The following KPNA1 variants were observed in gnomAD, a reference collection of about 807,000 sequenced individuals.
KPNA1 encodes the protein karyopherin subunit alpha 1, also known as importin subunit alpha-5.
A neutral mutation model predicts 70.5 loss-of-function variants in KPNA1; 10 were observed. That is an observed-to-expected ratio of 0.14 (90% CI 0.09 to 0.24). The LOEUF is 0.24. KPNA1 is among the 10% of genes least tolerant of loss of function. The probability of loss-of-function intolerance (pLI) is 1.00; values close to 1 mark genes in which losing one functional copy is unlikely to be tolerated. For missense variants in KPNA1, 397 were observed against 637.9 expected, an observed-to-expected ratio of 0.62 and a Z score of 4.07; for synonymous variants, 192 against 221.9, an observed-to-expected ratio of 0.87 and a Z score of 1.20.
At chr3:122,442,203 T>C (rs1012302759) in intron 9 of KPNA1, 87 bp from the exon 10 acceptor site, 10 of 1,022,854 alleles carry the variant, frequency 9.8e-6, no homozygotes, top group Admixed American at 7.8e-5. Context: ...AACAAAAAAA[T>C]TGTGATAGAA....
At chr3:122,474,883 A>T (rs1277329218) in intron 2 of KPNA1, among the ~76,000 whole-genome samples, 1 of 152,198 alleles carries the variant, frequency 6.6e-6, no homozygotes. Flanking sequence ...ATATATGACA[A>T]ACCAACAGTT....
chr3:122,433,574 T>G, intron 12 of KPNA1, 87 bp downstream of exon 12: 2 of 1,102,576 alleles, frequency 1.8e-6, no homozygotes, highest in Non-Finnish European at 2.5e-6. Flanking sequence ...AATCTTTTAC[T>G]CTAGGTAATA....
intron 2 of KPNA1, 119 bp downstream of exon 2, chr3:122,496,318 A>G (rs945270723): frequency 1.3e-6 from 1 of 781,646 alleles, no homozygotes; most frequent in Non-Finnish European, 2.0e-6. Context: ...GAGAAGGGGA[A>G]AACACACACA....
At chr3:122,428,486 ATCTC>A (rs2075853326) in intron 12 of KPNA1, among the ~76,000 whole-genome samples, 1 of 152,140 alleles carries the variant, frequency 6.6e-6, no homozygotes, top group Non-Finnish European at 1.5e-5. Context: ...ATAAAAATAA[ATCTC>A]TAGCCAAACA....
intron 2 of KPNA1, among the ~76,000 whole-genome samples, chr3:122,493,331 C>T (rs1387778587): frequency 6.7e-6 from 1 of 149,270 alleles, no homozygotes; most frequent in Admixed American, 6.8e-5. Flanking sequence ...AGAAATACTA[C>T]CCCACAATGA....
At chr3:122,453,664 G>C (rs1224627895) in intron 6 of KPNA1, among the ~76,000 whole-genome samples, 1 of 152,040 alleles carries the variant, frequency 6.6e-6, no homozygotes, top group Admixed American at 6.5e-5. Flanking sequence ...AGCCTCCCAA[G>C]TAGCTGGGAT....
chr3:122,454,113 C>G (rs1456515085), intron 5 of KPNA1, 112 bp from the exon 6 acceptor site: 7 of 679,642 alleles, frequency 1.0e-5, no homozygotes, highest in Non-Finnish European at 1.4e-5. Flanking sequence ...ATTATTTGCA[C>G]ATAACCTATC....
intron 2 of KPNA1, among the ~76,000 whole-genome samples, chr3:122,495,265 A>AAAAAAAAAAAAAAG (rs1238512607): frequency 4.6e-5 from 7 of 150,730 alleles, no homozygotes; most frequent in African/African-American, 9.7e-5. Context: ...AACAAACCAA[A>AAAAAAAAAAAAAAG]AAAAAAAAAA....
intron 12 of KPNA1, chr3:122,432,612 A>G (rs2075926345): frequency 6.6e-6 from 1 of 152,096 alleles, no homozygotes; most frequent in South Asian, 2.1e-4. Flanking sequence ...TTAATTTTGG[A>G]TTCCCCATAA....
intron 2 of KPNA1, among the ~76,000 whole-genome samples, chr3:122,489,955 C>A (rs1027915235): frequency 6.6e-6 from 1 of 152,214 alleles, no homozygotes; most frequent in African/African-American, 2.4e-5. Context: ...GCAAGGCTCT[C>A]CTGAATACTC....
chr3:122,511,998 G>C (rs9837149), intron 1 of KPNA1, among the ~76,000 whole-genome samples: 23,065 of 152,046 alleles, frequency 0.15, 1,850 homozygotes, highest in East Asian at 0.32. Context: ...AAAGGGAAAA[G>C]GTAAAAGGAC....
intron 2 of KPNA1, among the ~76,000 whole-genome samples, chr3:122,485,115 C>A (rs952469747): frequency 1.3e-5 from 2 of 152,080 alleles, no homozygotes; most frequent in Admixed American, 1.3e-4. Flanking sequence ...TGTCTCGCCA[C>A]CTTACCCAGG....
At chr3:122,473,391 G>A (rs888133730) in intron 2 of KPNA1, among the ~76,000 whole-genome samples, 1 of 152,182 alleles carries the variant, frequency 6.6e-6, no homozygotes, top group African/African-American at 2.4e-5. Context: ...GCCAACATCA[G>A]AGTATTCCAA....
chr3:122,469,141 G>C (rs2076413803), intron 2 of KPNA1, among the ~76,000 whole-genome samples: 1 of 152,094 alleles, frequency 6.6e-6, no homozygotes, highest in African/African-American at 2.4e-5. Context: ...TGACTGACTG[G>C]TTAAGTTAAA....
intron 2 of KPNA1, among the ~76,000 whole-genome samples, chr3:122,483,536 G>A (rs1305711080): frequency 6.6e-6 from 1 of 152,020 alleles, no homozygotes; most frequent in Non-Finnish European, 1.5e-5. Flanking sequence ...GTAGAAACGG[G>A]GCTTCAACAT....
chr3:122,496,726 A>G (rs941328241), intron 1 of KPNA1, 156 bp from the exon 2 acceptor site: 2 of 608,488 alleles, frequency 3.3e-6, no homozygotes, highest in African/African-American at 1.9e-5. Flanking sequence ...TTTTTGAGAC[A>G]AGGTCTTGCT....
chr3:122,429,767 T>C (rs912384175), intron 12 of KPNA1, among the ~76,000 whole-genome samples: 3 of 152,044 alleles, frequency 2.0e-5, no homozygotes, highest in African/African-American at 4.8e-5. Context: ...AAGAACAAAG[T>C]TGGAGGAATG....
At chr3:122,508,357 G>GTAC (rs2076914670) in intron 1 of KPNA1, among the ~76,000 whole-genome samples, 1 of 152,114 alleles carries the variant, frequency 6.6e-6, no homozygotes, top group African/African-American at 2.4e-5. Context: ...GATCATCCAG[G>GTAC]TACTATCCCT....
intron 1 of KPNA1, among the ~76,000 whole-genome samples, chr3:122,497,508 C>A (rs2076777985): frequency 6.6e-6 from 1 of 152,130 alleles, no homozygotes. Flanking sequence ...ACTGTTTTTC[C>A]AAAGTGGCTG....
Sources: allele counts gnomAD v4.1 joint callset (sites outside exome capture counted in the v4.1 genomes callset), GRCh38; gene constraint gnomAD v4.1.1; transcripts MANE v1.5; gene names NCBI Gene and HGNC (gene_info 2026-07-23, HGNC 2026-07-21).